The following FER variants were observed in gnomAD, a reference collection of about 807,000 sequenced individuals.
FER encodes FER tyrosine kinase.
Under a neutral mutation model 111.0 loss-of-function variants are expected in FER, and 63 were observed. The observed-to-expected ratio is 0.57, with a 90% CI of 0.46 to 0.70. The LOEUF is 0.70. Among genes scored for constraint, FER ranks in the 30% least tolerant of loss-of-function variants. The probability of loss-of-function intolerance (pLI) is 0.00; values close to 1 mark genes in which losing one functional copy is unlikely to be tolerated. For synonymous variants in FER, 327 were observed against 313.9 expected, an observed-to-expected ratio of 1.04 and a Z score of -0.44; for missense variants, 914 against 954.0, an observed-to-expected ratio of 0.96 and a Z score of 0.55.
intron 2 of FER, among the ~76,000 whole-genome samples, chr5:108,794,526 A>G (rs867409197): frequency 9.4e-6 from 1 of 106,382 alleles, no homozygotes; most frequent in Non-Finnish European, 1.9e-5. Context: ...CCCCCTCCGC[A>G]CCCCCCCCCC....
At chr5:109,035,963 T>C (rs2149877271) in intron 13 of FER, among the ~76,000 whole-genome samples, 1 of 152,330 alleles carries the variant, frequency 6.6e-6, no homozygotes, top group East Asian at 1.9e-4. Flanking sequence ...TCATCATCTT[T>C]TCTGAACTTG....
At chr5:109,131,298 A>G (rs1752333650) in intron 17 of FER, among the ~76,000 whole-genome samples, 1 of 152,134 alleles carries the variant, frequency 6.6e-6, no homozygotes, top group Non-Finnish European at 1.5e-5. Flanking sequence ...AAAGATCTCT[A>G]AGGATTAGAG....
At chr5:108,918,484 T>C (rs1186267948) in intron 10 of FER, among the ~76,000 whole-genome samples, 1 of 151,480 alleles carries the variant, frequency 6.6e-6, no homozygotes, top group East Asian at 1.9e-4. Context: ...TGGGTGTGTG[T>C]TTTTTCTTTT....
intron 9 of FER, among the ~76,000 whole-genome samples, chr5:108,886,580 A>G (rs1189735006): frequency 6.6e-6 from 1 of 151,596 alleles, no homozygotes; most frequent in African/African-American, 2.4e-5. Flanking sequence ...TTACAATCAC[A>G]TACATAGTAA....
chr5:108,759,401 A>G (rs1292088072), intron 1 of FER, among the ~76,000 whole-genome samples: 1 of 152,180 alleles, frequency 6.6e-6, no homozygotes, highest in Non-Finnish European at 1.5e-5. Flanking sequence ...TTTTTCTAGC[A>G]TTCATCTTCA....
chr5:108,885,238 T>G (rs965759499), intron 9 of FER, among the ~76,000 whole-genome samples: 2 of 151,998 alleles, frequency 1.3e-5, no homozygotes, highest in African/African-American at 4.8e-5. Context: ...ATTCCCAATG[T>G]CTAAAGGCTG....
At chr5:108,802,278 A>G (rs1459019123) in intron 3 of FER, among the ~76,000 whole-genome samples, 1 of 152,096 alleles carries the variant, frequency 6.6e-6, no homozygotes, top group Non-Finnish European at 1.5e-5. Flanking sequence ...TGTATAGATA[A>G]ATTTGGGGAA....
chr5:108,869,822 G>GTGAAAATAAAGATAATT (rs1764435104), intron 6 of FER, among the ~76,000 whole-genome samples: 1 of 151,964 alleles, frequency 6.6e-6, no homozygotes, highest in African/African-American at 2.4e-5. Flanking sequence ...TTCTCTTTAT[G>GTGAAAATAAAGATAATT]TGAAAATAAA....
At chr5:108,912,721 T>C (rs1319111057) in intron 10 of FER, among the ~76,000 whole-genome samples, 2 of 152,034 alleles carry the variant, frequency 1.3e-5, no homozygotes, top group East Asian at 1.9e-4. Flanking sequence ...CATGACGCTA[T>C]GAAAGAAGAG....
At chr5:108,961,467 A>G (rs1050814995) in intron 13 of FER, among the ~76,000 whole-genome samples, 9 of 150,982 alleles carry the variant, frequency 6.0e-5, no homozygotes, top group African/African-American at 1.9e-4. Context: ...TTGTTTTTCC[A>G]ACCCCCAACA....
chr5:108,771,480 C>A (rs1752893960), intron 2 of FER, among the ~76,000 whole-genome samples: 2 of 152,050 alleles, frequency 1.3e-5, no homozygotes, highest in Non-Finnish European at 2.9e-5. Flanking sequence ...TTAGCTGGGA[C>A]CTAGAGAGGT....
intron 5 of FER, among the ~76,000 whole-genome samples, chr5:108,863,460 G>C (rs1325811294): frequency 2.6e-5 from 4 of 152,206 alleles, no homozygotes; most frequent in African/African-American, 9.6e-5. Flanking sequence ...AATATATTCT[G>C]TAAGAAGAAT....
intron 16 of FER, among the ~76,000 whole-genome samples, chr5:109,047,833 T>G (rs1231497021): frequency 6.6e-6 from 1 of 152,220 alleles, no homozygotes. Flanking sequence ...AAAAAGGTGA[T>G]CAGTCTATGA....
chr5:109,184,510 A>T (rs1186929526), intron 18 of FER, among the ~76,000 whole-genome samples: 1 of 152,166 alleles, frequency 6.6e-6, no homozygotes. Context: ...CCAGAATGTG[A>T]TCTTGCTTTA....
At chr5:108,850,018 C>G (rs572882733) in intron 5 of FER, among the ~76,000 whole-genome samples, 1 of 151,884 alleles carries the variant, frequency 6.6e-6, no homozygotes, top group East Asian at 1.9e-4. Flanking sequence ...TGTGAAACCC[C>G]GTCTCTACTA....
chr5:108,918,742 C>G (rs1317386532), intron 10 of FER, among the ~76,000 whole-genome samples: 1 of 151,930 alleles, frequency 6.6e-6, no homozygotes, highest in Admixed American at 6.6e-5. Flanking sequence ...CCGCCTCAGC[C>G]TCCCAAAGTG....
rs148071886 is a variant in FER, at chr5:108,785,230, T to A, written c.-59-12894T>A. ...CTCCAAATGGATCCCTCTGTGCATC[T>A]GGAGGCAAGGATGGCCAGGCCATGC... On this transcript the variant is annotated intron_variant, in intron 2 of 19. Transcript: ENST00000281092. 123 of 600,766 alleles carry A rather than the reference T, an allele frequency of 2.0e-4. No individual in the cohort carries two copies. In the African/African-American group the frequency reaches 2.2e-3, roughly 11 times the overall value. The allele number at this position is 600,766 out of a possible 1,614,324, so 37.2% of individuals were successfully genotyped here.
At chr5:109,014,162 C>T (rs2149811016) in intron 13 of FER, among the ~76,000 whole-genome samples, 1 of 151,558 alleles carries the variant, frequency 6.6e-6, no homozygotes, top group South Asian at 2.1e-4. Flanking sequence ...TTGCCCATGC[C>T]TATGTCCTGA....
intron 11 of FER, 27 bp from the exon 12 acceptor site, chr5:108,954,702 G>GTTTTT: frequency 8.4e-7 from 1 of 1,186,934 alleles, no homozygotes. Context: ...CTCTAATTTA[G>GTTTTT]TTTTTTTTTT....
Sources: gnomAD v4.1 joint callset for allele counts (sites outside exome capture counted in the v4.1 genomes callset) on GRCh38, gnomAD v4.1.1 for gene constraint, MANE v1.5 for transcripts, NCBI Gene and HGNC (gene_info 2026-07-23, HGNC 2026-07-21) for gene names.